The following GRM5 variants were observed in gnomAD, a reference collection of about 807,000 sequenced individuals.
The protein encoded by GRM5 is metabotropic glutamate receptor 5.
In GRM5, 19 loss-of-function variants were observed where a neutral mutation model predicts 83.1. The ratio of observed to expected loss-of-function variants is 0.23; its 90% CI spans 0.16 to 0.34. GRM5 has a LOEUF of 0.34. Ranked by LOEUF, GRM5 falls within the 10% of genes least tolerant of loss-of-function variation. The pLI is 1.00. For missense variants in GRM5, 1,160 were observed against 1,588.3 expected, an observed-to-expected ratio of 0.73 and a Z score of 4.58; for synonymous variants, 675 against 633.6, an observed-to-expected ratio of 1.07 and a Z score of -0.98.
chr11:89,003,424 G>C (rs1344745677), intron 2 of GRM5, among the ~76,000 whole-genome samples: 2 of 152,090 alleles, frequency 1.3e-5, no homozygotes, highest in Admixed American at 1.3e-4. Context: ...AGCAGGGTGA[G>C]GGGGGAAGAT....
intron 3 of GRM5, among the ~76,000 whole-genome samples, chr11:88,722,174 A>G (rs1038416237): frequency 6.6e-6 from 1 of 152,160 alleles, no homozygotes; most frequent in African/African-American, 2.4e-5. Flanking sequence ...TTTAGCCTGC[A>G]ACCATATTTG....
chr11:88,997,167 A>C (rs1940208718), intron 2 of GRM5, among the ~76,000 whole-genome samples: 1 of 151,922 alleles, frequency 6.6e-6, no homozygotes, highest in Non-Finnish European at 1.5e-5. Flanking sequence ...TCTACTAAAA[A>C]TACAAAAAAA....
At chr11:88,986,415 T>C (rs1363132097) in intron 2 of GRM5, among the ~76,000 whole-genome samples, 5 of 152,186 alleles carry the variant, frequency 3.3e-5, no homozygotes, top group Non-Finnish European at 7.4e-5. Flanking sequence ...AACACTTCTC[T>C]TTCTTAACTG....
chr11:88,816,550 A>AAAAAG (rs1555020776), intron 3 of GRM5, among the ~76,000 whole-genome samples: 25 of 142,028 alleles, frequency 1.8e-4, no homozygotes, highest in African/African-American at 5.3e-4. Flanking sequence ...AAAAAAAAAA[A>AAAAAG]AAAAGAAAAG....
At chr11:88,521,587 C>T (rs1023865183) in intron 9 of GRM5, among the ~76,000 whole-genome samples, 3 of 152,130 alleles carry the variant, frequency 2.0e-5, no homozygotes, top group Non-Finnish European at 4.4e-5. Context: ...TTCTTAGAGC[C>T]ACCTCCCTGT....
Position 88,564,806 on chromosome 11 carries a change from G to C in GRM5, c.2630+2247C>G, listed in dbSNP as rs145654543. ...GGAGCTTGCTCTGCTTAAATTGGAAGACAGGATGTGCTATACAGAATGGCA... is the reference window on the plus strand; with the variant it reads ...GGAGCTTGCTCTGCTTAAATTGGAACACAGGATGTGCTATACAGAATGGCA... On this transcript the variant is annotated intron_variant, in intron 8 of 9. Coordinates refer to ENST00000305447, the MANE Select transcript of GRM5 (RefSeq NM_001143831.3). 4.8e-3 allele frequency among the ~76,000 whole-genome samples: 734 copies of C among 152,318 alleles called. 1 individual carries two copies. Among genetic ancestry groups the C allele is most frequent in the Non-Finnish European group, 7.8e-3 (531 of 68,026 alleles).
Position 88,509,038 on chromosome 11 carries a change from C to T in GRM5, c.3193G>A (p.Val1065Ile). Residue 1065 changes from valine to isoleucine, a missense_variant, in exon 10 of 10, where the codon GTC becomes ATC. By Grantham distance (29) the Val-to-Ile change is conservative. Coordinates refer to ENST00000305447, the MANE Select transcript of GRM5 (RefSeq NM_001143831.3). ...GSLMEQISSV[V>I]TRFTANISEL... Reference sequence around the variant, plus strand: ...CTGATGTTGGCCGTGAAGCGGGTGACCACACTGCTGATCTGCTCCATGAGG... The same window carrying T: ...CTGATGTTGGCCGTGAAGCGGGTGATCACACTGCTGATCTGCTCCATGAGG... 2 of 1,562,990 alleles carry T rather than the reference C, an allele frequency of 1.3e-6. No individual in the cohort carries two copies. The highest frequency in any genetic ancestry group is 1.7e-6 in the Non-Finnish European group (2 of 1,153,144).
chr11:88,939,864 A>C (rs10734177), intron 2 of GRM5, among the ~76,000 whole-genome samples: 79,457 of 151,486 alleles, frequency 0.52, 21,699 homozygotes, highest in South Asian at 0.67. Flanking sequence ...CATTGCAAAC[A>C]ATGGCTAAAA....
rs149512292 is a variant in GRM5 at position 88,812,038 on chromosome 11, C to A, written c.911+37868G>T. On this transcript the variant is annotated intron_variant, in intron 3 of 9. Coordinates refer to ENST00000305447, the MANE Select transcript of GRM5 (RefSeq NM_001143831.3). Reference sequence around the variant, plus strand: ...GTGATATTGTTAATGTTTCTGCCTTCAAGTGGTTACAAAAGGAAGGTGAAG... The same window carrying A: ...GTGATATTGTTAATGTTTCTGCCTTAAAGTGGTTACAAAAGGAAGGTGAAG... Among the ~76,000 whole-genome samples the A allele has an allele frequency of 3.6e-3, 550 of 152,272 alleles. 1 individual carries two copies. Among genetic ancestry groups the A allele is most frequent in the African/African-American group, 0.013 (521 of 41,560 alleles).
intron 3 of GRM5, among the ~76,000 whole-genome samples, chr11:88,733,132 C>T (rs543679480): frequency 5.3e-5 from 8 of 151,882 alleles, no homozygotes; most frequent in Non-Finnish European, 1.2e-4. Context: ...TGTACTATAA[C>T]GTGTAGTTTC....
At chr11:88,596,701 T>C (rs556519740) in intron 6 of GRM5, among the ~76,000 whole-genome samples, 2 of 152,260 alleles carry the variant, frequency 1.3e-5, no homozygotes, top group South Asian at 4.1e-4. Flanking sequence ...CAAACTTATA[T>C]AGTCCTCTTC....
chr11:88,728,251 A>T (rs1267075446), intron 3 of GRM5, among the ~76,000 whole-genome samples: 1 of 152,196 alleles, frequency 6.6e-6, no homozygotes, highest in East Asian at 1.9e-4. Flanking sequence ...AAACACCTCT[A>T]CACAAATAAA....
chr11:88,962,044 A>C (rs117681930), intron 2 of GRM5, among the ~76,000 whole-genome samples: 1 of 152,304 alleles, frequency 6.6e-6, no homozygotes, highest in East Asian at 1.9e-4. Context: ...AGAATCAAGG[A>C]AACTGAGATG....
chr11:88,728,899 A>AACTC (rs2135404140), intron 3 of GRM5, among the ~76,000 whole-genome samples: 1 of 152,330 alleles, frequency 6.6e-6, no homozygotes, highest in Non-Finnish European at 1.5e-5. Flanking sequence ...ATTTATGACA[A>AACTC]ACTCACAGCC....
intron 2 of GRM5, among the ~76,000 whole-genome samples, chr11:89,022,659 T>G (rs536976577): frequency 6.6e-6 from 1 of 152,024 alleles, no homozygotes; most frequent in East Asian, 1.9e-4. Context: ...CTCAAAGAGA[T>G]AGACAGACAG....
chr11:88,821,696 C>A (rs1943797942), intron 3 of GRM5, among the ~76,000 whole-genome samples: 1 of 152,134 alleles, frequency 6.6e-6, no homozygotes, highest in South Asian at 2.1e-4. Context: ...TGCTTGAAAT[C>A]TTCTATAATT....
In GRM5 at chr11:88,505,425, G is replaced by C; in HGVS notation, c.*3167C>G. On this transcript the variant is annotated 3_prime_UTR_variant, in exon 10 of 10. Coordinates refer to ENST00000305447, the MANE Select transcript of GRM5 (RefSeq NM_001143831.3). ...TACAATTCATTTACAGTCAGAAATA[G>C]CTCCTAGTCTTCCTGATCACTTGCT... The C allele has an allele frequency of 6.6e-6, 1 of 152,228 alleles. No homozygotes were observed. Among genetic ancestry groups the C allele is most frequent in the East Asian group, 1.9e-4 (1 of 5,208 alleles). 9.4% of individuals were successfully genotyped at this position (152,228 alleles called of 1,614,324 possible).
intron 4 of GRM5, among the ~76,000 whole-genome samples, chr11:88,624,793 T>C (rs571196660): frequency 3.3e-5 from 5 of 152,322 alleles, no homozygotes; most frequent in African/African-American, 4.8e-5. Context: ...TCTAAATTTT[T>C]CCATGTGATG....
intron 3 of GRM5, among the ~76,000 whole-genome samples, chr11:88,668,210 T>TCTCACACACA (rs1554990663): frequency 2.0e-5 from 1 of 49,154 alleles, no homozygotes; most frequent in Non-Finnish European, 7.0e-5. Context: ...CTGCAGAAAC[T>TCTCACACACA]CGCACACACA....
Sources: allele counts gnomAD v4.1 joint callset (sites outside exome capture counted in the v4.1 genomes callset), GRCh38; gene constraint gnomAD v4.1.1; transcripts MANE v1.5; gene names NCBI Gene and HGNC (gene_info 2026-07-23, HGNC 2026-07-21).